The following TMEM135 variants were observed in gnomAD, a reference collection of about 807,000 sequenced individuals.
TMEM135 encodes peroxisomal membrane protein 52.
A neutral mutation model predicts 60.3 loss-of-function variants in TMEM135; 30 were observed. That is an observed-to-expected ratio of 0.50 (90% confidence interval 0.37 to 0.68). The LOEUF is 0.68. Among genes scored for constraint, TMEM135 ranks in the 30% least tolerant of loss-of-function variants. The probability of loss-of-function intolerance (pLI) is 0.00; values close to 1 mark genes in which losing one functional copy is unlikely to be tolerated. For missense variants in TMEM135, 468 were observed against 548.8 expected (o/e 0.85, Z 1.47); for synonymous variants, 190 against 186.7 (o/e 1.02, Z -0.14).
chr11:87,050,489 A>G (rs1949831505), intron 1 of TMEM135, among the ~76,000 whole-genome samples: 1 of 66,706 alleles, frequency 1.5e-5, no homozygotes, highest in African/African-American at 1.1e-4. Flanking sequence ...GGATATCACC[A>G]CCGATCCCAC....
chr11:87,127,688 T>C (rs919451857), intron 4 of TMEM135, among the ~76,000 whole-genome samples: 7 of 152,226 alleles, frequency 4.6e-5, no homozygotes, highest in Admixed American at 4.6e-4. Flanking sequence ...TGTTTCTTCC[T>C]ACCTACCAGT....
rs370758977 is a variant in TMEM135, at chr11:87,112,643, G to A, written c.396+21248G>A. On this transcript the variant is annotated intron_variant, in intron 4 of 14. Coordinates refer to ENST00000305494, the MANE Select transcript of TMEM135 (RefSeq NM_022918.4). ...ATTATTATAATACTAAAATGTAAAT[G>A]TAAGTGGTAAAAACACATTTACAAA... 1.9e-4 allele frequency among the ~76,000 whole-genome samples: 29 copies of A among 152,116 alleles called. No homozygotes were observed. In the East Asian group the frequency reaches 4.6e-3, roughly 24 times the overall value.
chr11:87,075,316 A>T (rs904586546), intron 3 of TMEM135, among the ~76,000 whole-genome samples: 1 of 146,460 alleles, frequency 6.8e-6, no homozygotes, highest in Admixed American at 6.8e-5. Context: ...CCGCCAGCTA[A>T]TTTTTTTTTT....
At chr11:87,290,082 AT>A (rs1398276008) in intron 6 of TMEM135, among the ~76,000 whole-genome samples, 3 of 152,214 alleles carry the variant, frequency 2.0e-5, no homozygotes, top group Non-Finnish European at 2.9e-5. Flanking sequence ...TATTTTAAAG[AT>A]TTATAAAGTA....
In TMEM135 at chr11:87,258,274, C is replaced by T. The variant is rs563604212; in HGVS notation, c.509+21590C>T. ...TGGCTTCTCTTTTTTTAAACACACACACAAATCTAACAGCCAAAATGTGCA... is the reference window on the plus strand; with the variant it reads ...TGGCTTCTCTTTTTTTAAACACACATACAAATCTAACAGCCAAAATGTGCA... On this transcript the variant is annotated intron_variant, in intron 6 of 14. Transcript: ENST00000305494. Among the ~76,000 whole-genome samples, 4 of 151,588 alleles carry T rather than the reference C, an allele frequency of 2.6e-5. No individual in the cohort carries two copies. In the South Asian group the frequency reaches 8.3e-4, roughly 32 times the overall value.
chr11:87,253,683 A>G (rs545785707), intron 6 of TMEM135, among the ~76,000 whole-genome samples: 2 of 9,586 alleles, frequency 2.1e-4, no homozygotes, highest in African/African-American at 8.7e-4. Flanking sequence ...ATATATATAT[A>G]TATATATATA....
chr11:87,114,989 A>G (rs115506958), intron 4 of TMEM135, among the ~76,000 whole-genome samples: 117 of 152,316 alleles, frequency 7.7e-4, no homozygotes, highest in African/African-American at 2.7e-3. Context: ...AGTTACCATT[A>G]TTGATCATCT....
At chr11:87,249,093 G>T (rs999359051) in intron 6 of TMEM135, among the ~76,000 whole-genome samples, 1 of 152,082 alleles carries the variant, frequency 6.6e-6, no homozygotes, top group Non-Finnish European at 1.5e-5. Flanking sequence ...TCTGTCTCTT[G>T]TCTGATTGCT....
chr11:87,067,076 G>A (rs965235700), intron 1 of TMEM135, among the ~76,000 whole-genome samples: 14 of 149,624 alleles, frequency 9.4e-5, no homozygotes, highest in Admixed American at 6.6e-4. Context: ...CACCGCGCCC[G>A]GCCTAGATTC....
chr11:87,261,483 G>A (rs939426748), intron 6 of TMEM135, among the ~76,000 whole-genome samples: 6 of 152,062 alleles, frequency 3.9e-5, no homozygotes, highest in Admixed American at 6.5e-5. Flanking sequence ...TTTGTTAATT[G>A]TATAAATAAT....
chr11:87,263,082 C>A (rs1941683282), intron 6 of TMEM135, among the ~76,000 whole-genome samples: 1 of 152,018 alleles, frequency 6.6e-6, no homozygotes, highest in South Asian at 2.1e-4. Context: ...GTACAACTGA[C>A]ATGAACACAT....
At chr11:87,233,255 G>C (rs566652940) in intron 5 of TMEM135, among the ~76,000 whole-genome samples, 1 of 151,972 alleles carries the variant, frequency 6.6e-6, no homozygotes, top group Non-Finnish European at 1.5e-5. Flanking sequence ...CAAGATGATA[G>C]ATTTAAACAT....
chr11:87,103,055 T>A (rs1857499882), intron 4 of TMEM135, among the ~76,000 whole-genome samples: 1 of 152,156 alleles, frequency 6.6e-6, no homozygotes, highest in African/African-American at 2.4e-5. Context: ...CTGGCTTATT[T>A]TAACTTAGCA....
intron 1 of TMEM135, among the ~76,000 whole-genome samples, chr11:87,040,031 AT>A (rs1298610433): frequency 7.9e-5 from 12 of 152,264 alleles, no homozygotes; most frequent in African/African-American, 2.9e-4. Flanking sequence ...TTGAGGATAA[AT>A]TTTCCATCTC....
chr11:87,170,947 C>T (rs550690695), intron 5 of TMEM135, among the ~76,000 whole-genome samples: 6 of 152,260 alleles, frequency 3.9e-5, no homozygotes, highest in Non-Finnish European at 8.8e-5. Context: ...TCTATAAGCC[C>T]CTGCCTGGGG....
intron 1 of TMEM135, among the ~76,000 whole-genome samples, chr11:87,045,546 A>G (rs1229957935): frequency 3.9e-5 from 6 of 152,220 alleles, no homozygotes; most frequent in Non-Finnish European, 8.8e-5. Flanking sequence ...TAGATGAGGG[A>G]TAAAAATACA....
chr11:87,081,966 G>A (rs1252528942), intron 3 of TMEM135, among the ~76,000 whole-genome samples: 1 of 152,102 alleles, frequency 6.6e-6, no homozygotes, highest in Admixed American at 6.6e-5. Flanking sequence ...TGTATGTGTT[G>A]ATTTAGTTCT....
chr11:87,073,772 A>G (rs1330696093), intron 3 of TMEM135, among the ~76,000 whole-genome samples: 2 of 150,722 alleles, frequency 1.3e-5, no homozygotes, highest in African/African-American at 2.5e-5. Context: ...GGTTCAAGCG[A>G]TTCTCCTGCC....
In TMEM135 at chr11:87,315,175, T is replaced by TCTC. The variant is rs1357453365; in HGVS notation, c.1077+640_1077+642dup. Among the ~76,000 whole-genome samples, 3 of 151,390 alleles carry TCTC rather than the reference T, an allele frequency of 2.0e-5. No individual in the cohort carries two copies. In the East Asian group the frequency reaches 5.8e-4, roughly 29 times the overall value. Reference sequence around the variant, plus strand: ...TCCTCCTCCTCCTCCTCCTCTTCCTTCTCCTCCTCCTCCTTCTTCCTTGAC... The same window carrying TCTC: ...TCCTCCTCCTCCTCCTCCTCTTCCTTCTCCTCCTCCTCCTCCTTCTTCCTTGAC... On this transcript the variant is annotated intron_variant, in intron 12 of 14. Transcript: ENST00000305494.
Sources: gnomAD v4.1 joint callset for allele counts (sites outside exome capture counted in the v4.1 genomes callset) on GRCh38, gnomAD v4.1.1 for gene constraint, MANE v1.5 for transcripts, NCBI Gene and HGNC (gene_info 2026-07-23, HGNC 2026-07-21) for gene names.